Variants in DPP6 observed in about 807,000 individuals in gnomAD.
DPP6 encodes the protein dipeptidyl peptidase like 6.
A neutral mutation model predicts 122.6 loss-of-function variants in DPP6; 69 were observed. That is an observed-to-expected ratio of 0.56 (90% CI 0.46 to 0.69). The LOEUF is 0.69. DPP6 is among the 30% of genes least tolerant of loss of function. The pLI, the probability that DPP6 is intolerant of heterozygous loss-of-function variation, is 0.00. For missense variants in DPP6, 928 were observed against 1,116.9 expected (o/e 0.83, Z 2.41); for synonymous variants, 418 against 433.1 (o/e 0.97, Z 0.43).
In DPP6 at chr7:154,758,049, G is replaced by A. The variant is rs187997103; in HGVS notation, c.884-11368G>A. On this transcript the variant is annotated intron_variant, in intron 8 of 25. Coordinates refer to ENST00000377770, the MANE Select transcript of DPP6 (RefSeq NM_130797.4). Reference sequence around the variant, plus strand: ...TGCCTTTTGGGCACACGCACCTTCCGTCTTCACTGAATCCACTCCCCCTTC... The same window carrying A: ...TGCCTTTTGGGCACACGCACCTTCCATCTTCACTGAATCCACTCCCCCTTC... Among the ~76,000 whole-genome samples, 179 of 151,674 alleles carry A rather than the reference G, an allele frequency of 1.2e-3. 2 individuals are homozygous for A. Among genetic ancestry groups the A allele is most frequent in the African/African-American group, 3.9e-3 (162 of 41,386 alleles).
chr7:154,386,658 G>A (rs570057353), intron 1 of DPP6, among the ~76,000 whole-genome samples: 2 of 152,260 alleles, frequency 1.3e-5, no homozygotes, highest in African/African-American at 4.8e-5. Flanking sequence ...AGGGATTCTA[G>A]CTCTCCACTG....
At chr7:153,851,242 A>C in the DPP6 span, among the ~76,000 whole-genome samples, 1 of 152,116 alleles carries the variant, frequency 6.6e-6, no homozygotes, top group Non-Finnish European at 1.5e-5. Context: ...AAATGTAAAC[A>C]TAAACAATCA....
At chr7:153,899,201 TC>T (rs1329816347) in intron 1 of DPP6, among the ~76,000 whole-genome samples, 2 of 151,482 alleles carry the variant, frequency 1.3e-5, no homozygotes, top group African/African-American at 4.9e-5. Flanking sequence ...CTTCTCCTCC[TC>T]CTCCTCCTCC....
the DPP6 span, among the ~76,000 whole-genome samples, chr7:153,871,482 T>G: frequency 6.6e-6 from 1 of 152,184 alleles, no homozygotes; most frequent in African/African-American, 2.4e-5. Context: ...GGTGTATGGT[T>G]TGTTAAGCCC....
the DPP6 span, among the ~76,000 whole-genome samples, chr7:153,808,297 G>C: frequency 2.7e-5 from 4 of 148,476 alleles, no homozygotes; most frequent in Non-Finnish European, 3.0e-5. Context: ...CTGTGTGTGT[G>C]TCTGCGCACA....
chr7:153,874,191 A>G, the DPP6 span, among the ~76,000 whole-genome samples: 2 of 152,128 alleles, frequency 1.3e-5, no homozygotes, highest in African/African-American at 4.8e-5. Context: ...AAAAATTACC[A>G]AGAAAGAACA....
At chr7:153,975,154 T>G (rs1376835365) in intron 1 of DPP6, among the ~76,000 whole-genome samples, 1 of 151,998 alleles carries the variant, frequency 6.6e-6, no homozygotes, top group Non-Finnish European at 1.5e-5. Context: ...TTAAATTTGC[T>G]AGGACTGGGG....
At chr7:154,743,194 C>G (rs1209650952) in intron 8 of DPP6, among the ~76,000 whole-genome samples, 2 of 152,300 alleles carry the variant, frequency 1.3e-5, no homozygotes, top group Non-Finnish European at 2.9e-5. Context: ...TGTGGCTTCT[C>G]TTTCCACCTG....
chr7:154,599,059 C>T (rs1833267811), intron 5 of DPP6, among the ~76,000 whole-genome samples: 1 of 152,128 alleles, frequency 6.6e-6, no homozygotes, highest in African/African-American at 2.4e-5. Flanking sequence ...GATAACTGCA[C>T]TTTCTTCTAA....
intron 16 of DPP6, among the ~76,000 whole-genome samples, chr7:154,842,919 C>T: frequency 6.6e-6 from 1 of 152,200 alleles, no homozygotes; most frequent in Non-Finnish European, 1.5e-5. Flanking sequence ...AGCCACGAGG[C>T]AGGCTTATTT....
At chr7:154,466,926 A>G (rs1003756682) in intron 2 of DPP6, among the ~76,000 whole-genome samples, 2 of 152,214 alleles carry the variant, frequency 1.3e-5, no homozygotes. Flanking sequence ...TAACACTGAA[A>G]TCATCTGAAT....
intron 16 of DPP6, among the ~76,000 whole-genome samples, chr7:154,818,966 C>G (rs1799592164): frequency 6.6e-6 from 1 of 152,156 alleles, no homozygotes; most frequent in South Asian, 2.1e-4. Context: ...CAGTAACAAC[C>G]AAACAAACAT....
the DPP6 span, among the ~76,000 whole-genome samples, chr7:153,799,763 A>C: frequency 2.6e-5 from 4 of 152,184 alleles, no homozygotes; most frequent in African/African-American, 9.7e-5. Flanking sequence ...GACTGAATTA[A>C]CTGTCTCATT....
chr7:154,227,921 A>G (rs761824704), intron 1 of DPP6, among the ~76,000 whole-genome samples: 5 of 152,220 alleles, frequency 3.3e-5, no homozygotes, highest in Non-Finnish European at 5.9e-5. Flanking sequence ...TAAAGCTACA[A>G]TTTATTTAAC....
rs545148710 is a variant in DPP6, at chr7:154,820,798, C to T, written c.1666+13686C>T. ...CAAGATATGATGGAAAAAAACTTTC[C>T]CCATGCTTTTGAGTCGTTAGGGAAA... On this transcript the variant is annotated intron_variant, in intron 16 of 25. Transcript: ENST00000377770. Among the ~76,000 whole-genome samples the T allele has an allele frequency of 2.0e-5, 3 of 152,196 alleles. 1 individual carries two copies. The South Asian group carries it at 6.2e-4, about 32-fold the overall frequency.
intron 1 of DPP6, among the ~76,000 whole-genome samples, chr7:154,436,169 C>A (rs1255304757): frequency 6.6e-6 from 1 of 151,236 alleles, no homozygotes; most frequent in African/African-American, 2.4e-5. Context: ...AAGGCAAGAC[C>A]AGTGGCACGG....
At chr7:154,807,292 C>T (rs1174680249) in intron 16 of DPP6, among the ~76,000 whole-genome samples, 180 bp downstream of exon 16, 2 of 152,166 alleles carry the variant, frequency 1.3e-5, no homozygotes, top group East Asian at 1.9e-4. Context: ...TGGACCCCCA[C>T]AGAGCCTGGT....
At chr7:154,289,027 G>C (rs1225958819) in intron 1 of DPP6, among the ~76,000 whole-genome samples, 2 of 152,162 alleles carry the variant, frequency 1.3e-5, no homozygotes, top group Non-Finnish European at 2.9e-5. Flanking sequence ...GTGCAGCCCT[G>C]TTTGAAAAGG....
At chr7:154,621,466 T>G (rs1834652647) in intron 5 of DPP6, among the ~76,000 whole-genome samples, 1 of 152,182 alleles carries the variant, frequency 6.6e-6, no homozygotes, top group Non-Finnish European at 1.5e-5. Context: ...CCTCCTGGGT[T>G]CAAGCGATTC....
Sources: allele counts gnomAD v4.1 joint callset (sites outside exome capture counted in the v4.1 genomes callset), GRCh38; gene constraint gnomAD v4.1.1; transcripts MANE v1.5; gene names NCBI Gene and HGNC (gene_info 2026-07-23, HGNC 2026-07-21).